CEP170B: variants seen among roughly 807,000 people sequenced by gnomAD.
CEP170B encodes centrosomal protein 170B, also known as centrosomal protein of 170 kDa protein B.
Under a neutral mutation model 120.6 loss-of-function variants are expected in CEP170B, and 55 were observed. The ratio of observed to expected loss-of-function variants is 0.46; its 90% CI spans 0.37 to 0.57. The LOEUF is 0.57. Ranked by LOEUF, CEP170B falls within the 20% of genes least tolerant of loss-of-function variation. The pLI is 0.00. For missense variants in CEP170B, 2,212 were observed against 2,253.3 expected (o/e 0.98, Z 0.37); for synonymous variants, 1,033 against 954.5 (o/e 1.08, Z -1.52).
chr14:104,880,805 T>C (rs754058160), intron 6 of CEP170B, among the ~76,000 whole-genome samples: 1 of 151,524 alleles, frequency 6.6e-6, no homozygotes, highest in Non-Finnish European at 1.5e-5. Context: ...AGACCTATCA[T>C]GCACACCCAT....
intron 5 of CEP170B, 150 bp downstream of exon 5, chr14:104,878,651 C>T (rs1895986466): frequency 4.1e-6 from 3 of 736,756 alleles, no homozygotes; most frequent in Non-Finnish European, 6.7e-6. Flanking sequence ...TCAGGCCAGC[C>T]TGTCCTGCCC....
intron 2 of CEP170B, among the ~76,000 whole-genome samples, chr14:104,871,159 A>G (rs1054502109): frequency 4.6e-5 from 7 of 151,980 alleles, no homozygotes; most frequent in Non-Finnish European, 1.0e-4. Flanking sequence ...GCCCTTTCCG[A>G]ACGCTGCTGC....
chr14:104,890,343 T>C (rs1896757963), intron 13 of CEP170B, among the ~76,000 whole-genome samples: 1 of 82,660 alleles, frequency 1.2e-5, no homozygotes, highest in African/African-American at 4.1e-5. Flanking sequence ...GATGGATGAG[T>C]GTGTGGATGG....
chr14:104,893,709 C>G, intron 15 of CEP170B, 43 bp downstream of exon 15: 3 of 1,585,584 alleles, frequency 1.9e-6, no homozygotes, highest in Non-Finnish European at 2.6e-6. Flanking sequence ...GTGGGGGGAG[C>G]AGGGGCGGGG....
chr14:104,886,326 G>A lies in CEP170B; in HGVS notation c.2087G>A (p.Arg696His), dbSNP rs758657045. 9 of 1,553,730 alleles carry A rather than the reference G, an allele frequency of 5.8e-6. No homozygotes were observed. Among genetic ancestry groups the A allele is most frequent in the Non-Finnish European group, 6.9e-6 (8 of 1,153,832 alleles). ...GAGCCGGAGGGGTCCCTGCCTGTGC[G>A]CATGCGGCGACGGCTCCCTCAGCTG... The part of the protein sequence containing the change: ...GGEPEGSLPV[R>H]MRRRLPQLPS... Residue 696 changes from arginine (R) to histidine (H), a missense_variant, in exon 12 of 19, where the codon CGC becomes CAC. Arg to His is a conservative substitution (Grantham distance 29). This residue lies in a region of CEP170B where 2,166 missense variants were observed against 2,166.7 expected (regional missense o/e 1.00). Coordinates refer to ENST00000414716, the MANE Select transcript of CEP170B (RefSeq NM_001112726.3).
intron 9 of CEP170B, 50 bp downstream of exon 9, chr14:104,884,599 G>A: frequency 6.7e-7 from 1 of 1,497,030 alleles, no homozygotes; most frequent in Non-Finnish European, 9.0e-7. Flanking sequence ...GGGGGGTGGA[G>A]GCGATGCCGG....
Position 104,868,882 on chromosome 14 carries a change from A to C in CEP170B, c.105+327A>C, listed in dbSNP as rs1426012582. ...CGTGAGTTGGCGTCCTTTTGCAGAG[A>C]GGGAGCTGAGGCTGGGCTTTGGAAG... On this transcript the variant is annotated intron_variant, in intron 2 of 18. Coordinates refer to ENST00000414716, the MANE Select transcript of CEP170B (RefSeq NM_001112726.3). The surrounding 1 kb of genome is among the most constrained non-coding windows in gnomAD (Gnocchi z 5.9). Among the ~76,000 whole-genome samples the C allele has an allele frequency of 6.6e-6, 1 of 152,004 alleles. No homozygotes were observed. The highest frequency in any genetic ancestry group is 1.5e-5 in the Non-Finnish European group (1 of 67,992).
In CEP170B at chr14:104,887,485, A is replaced by G; in HGVS notation, c.3246A>G (p.Pro1082=). ...GACGGCTAGGTTCTCGCCGGAAACC[A>G]GCGGCCCCACCGCCATCCCCAGCTG... is the stretch of plus-strand genomic sequence containing the variant. ...GAGRLGSRRK[P]AAPPPSPAAR... is the part of the protein sequence containing the mutation. The change falls in exon 12 of 19, where the codon CCA becomes CCG. Residue 1082 remains proline, a synonymous_variant. Transcript: ENST00000414716. 1 of 1,611,898 alleles carries G rather than the reference A, an allele frequency of 6.2e-7. No individual in the cohort carries two copies.
chr14:104,894,440 G>T, intron 17 of CEP170B, 62 bp downstream of exon 17: 8 of 1,606,908 alleles, frequency 5.0e-6, no homozygotes, highest in Non-Finnish European at 6.8e-6. Context: ...TGCCTGGCTG[G>T]CCCCAAACCT....
chr14:104,878,743 A>G (rs1281960234), intron 5 of CEP170B, among the ~76,000 whole-genome samples: 1 of 152,182 alleles, frequency 6.6e-6, no homozygotes, highest in Non-Finnish European at 1.5e-5. Flanking sequence ...GGGCACCGGG[A>G]CGCGGGTGCC....
Position 104,887,993 on chromosome 14 carries a change from G to T in CEP170B, c.3739+15G>T, listed in dbSNP as rs549245275. On this transcript the variant is annotated intron_variant, in intron 12 of 18. Transcript: ENST00000414716. ...ATACACCTCCAGTGAGTGCCAGGGC[G>T]GGTGGGAGGCCAGGGCCAAGACAGG... is the stretch of plus-strand genomic sequence containing the variant. 3.2e-5 allele frequency: 47 copies of T among 1,470,982 alleles called. No homozygotes were observed. Among genetic ancestry groups the T allele is most frequent in the Non-Finnish European group, 7.2e-6 (8 of 1,110,722 alleles). 91.1% of individuals were successfully genotyped at this position (1,470,982 alleles called of 1,614,324 possible). A position where few individuals can be genotyped will look rare whatever the true frequency, so the allele number is the denominator to read the frequency against.
At chr14:104,886,155 G>T (rs923963324) in intron 11 of CEP170B, 25 bp downstream of exon 11, 3 of 1,513,610 alleles carry the variant, frequency 2.0e-6, no homozygotes, top group African/African-American at 1.4e-5. Flanking sequence ...TGCTGCGGGG[G>T]AGTCGGGCCA....
rs1896346227 is a variant in CEP170B, at chr14:104,884,510, G to A, written c.1731G>A (p.Gln577=). Residue 577 remains glutamine (Q), a synonymous_variant, in exon 9 of 19, where the codon CAG becomes CAA. Transcript: ENST00000414716. ...AGTYTIETEA[Q]DTEVEEARKM... ...CATACACCATCGAGACCGAGGCGCA[G>A]GACACGGAGGTGGAGGAGGCCCGGA... 1 of 1,564,594 alleles carries A rather than the reference G, an allele frequency of 6.4e-7. No individual in the cohort carries two copies. The highest frequency in any genetic ancestry group is 1.4e-5 in the African/African-American group (1 of 73,914).
Position 104,894,394 on chromosome 14 carries a change from C to A in CEP170B, c.4365+16C>A, listed in dbSNP as rs1427828509. The A allele has an allele frequency of 1.2e-6, 2 of 1,611,844 alleles. No individual in the cohort carries two copies. Among genetic ancestry groups the A allele is most frequent in the African/African-American group, 2.7e-5 (2 of 74,902 alleles). The stretch of plus-strand genomic sequence containing the variant: ...ATCTAACAAGGTGAGCGCTGGGGCC[C>A]CGTGCCCCTTGGCCTGCCCCCAGCC... On this transcript the variant is annotated intron_variant, in intron 17 of 18. Transcript: ENST00000414716.
At chr14:104,873,464 G>A (rs1355536518) in intron 2 of CEP170B, among the ~76,000 whole-genome samples, 1 of 152,056 alleles carries the variant, frequency 6.6e-6, no homozygotes, top group Non-Finnish European at 1.5e-5. Context: ...TGGGGCCTGC[G>A]GGAAAGGGGG....
At position 104,883,019 on chromosome 14, in the gene CEP170B, C is replaced by T. The variant is rs1278679572; in HGVS notation, c.578-16C>T. 2.0e-6 allele frequency: 3 copies of T among 1,495,168 alleles called. No individual in the cohort carries two copies. Among genetic ancestry groups the T allele is most frequent in the Non-Finnish European group, 2.7e-6 (3 of 1,121,816 alleles). 92.6% of individuals were successfully genotyped at this position (1,495,168 alleles called of 1,614,324 possible). ...GTTACCCTGAGGCCCGGTCTGAAGA[C>T]ATCTTCCCACACCAGAGCGCCCCAA... On this transcript the variant is annotated splice_polypyrimidine_tract_variant and intron_variant, in intron 7 of 18. Transcript: ENST00000414716.
At chr14:104,876,425 T>C in intron 3 of CEP170B, 80 bp downstream of exon 3, 1 of 1,344,722 alleles carries the variant, frequency 7.4e-7, no homozygotes, top group Non-Finnish European at 1.0e-6. Flanking sequence ...TTCTGGCTCC[T>C]CCCCCAGTCA....
chr14:104,879,753 C>T lies in CEP170B; in HGVS notation c.334-534C>T, dbSNP rs190605490. 2.6e-3 allele frequency among the ~76,000 whole-genome samples: 401 copies of T among 152,282 alleles called. 1 individual carries two copies. Among genetic ancestry groups the T allele is most frequent in the African/African-American group, 8.8e-3 (365 of 41,558 alleles). ...CCGGTGTGCTGGCGACACGCACAGC[C>T]GGGGCCCCTGTGGGGGGCGTGAGGG... On this transcript the variant is annotated intron_variant, in intron 5 of 18. Coordinates refer to ENST00000414716, the MANE Select transcript of CEP170B (RefSeq NM_001112726.3).
intron 16 of CEP170B, 74 bp from the exon 17 acceptor site, chr14:104,894,211 C>T (rs1896980918): frequency 6.7e-6 from 8 of 1,195,390 alleles, no homozygotes; most frequent in Non-Finnish European, 1.0e-5. Flanking sequence ...CAGAGGAGGT[C>T]TGGGAGAATT....
Sources: allele counts gnomAD v4.1 joint callset (sites outside exome capture counted in the v4.1 genomes callset), GRCh38; gene constraint gnomAD v4.1.1; regional missense constraint gnomAD v4.1.1; non-coding constraint Gnocchi (gnomAD v3.1); transcripts MANE v1.5; gene names NCBI Gene and HGNC (gene_info 2026-07-23, HGNC 2026-07-21).